Variants in MED4 observed in about 807,000 individuals in gnomAD.
The protein encoded by MED4 is mediator of RNA polymerase II transcription subunit 4.
Under a neutral mutation model 35.0 loss-of-function variants are expected in MED4, and 21 were observed. The ratio of observed to expected loss-of-function variants is 0.60; its 90% CI spans 0.43 to 0.86. The LOEUF (loss-of-function observed/expected upper bound fraction) is 0.86, where lower values mean the gene tolerates loss of function less well. Among genes scored for constraint, MED4 ranks in the 40% least tolerant of loss-of-function variants. The pLI, the probability that MED4 is intolerant of heterozygous loss-of-function variation, is 0.00. For synonymous variants in MED4, 138 were observed against 114.0 expected, an observed-to-expected ratio of 1.21 and a Z score of -1.34; for missense variants, 300 against 319.4, an observed-to-expected ratio of 0.94 and a Z score of 0.46.
At chr13:48,090,204 A>T (rs840427) in intron 2 of MED4, 148 bp downstream of exon 2, 600,205 of 600,268 alleles carry the variant, frequency 1, 300,071 homozygotes, top group Middle Eastern at 1. Context: ...AAATACCAAT[A>T]TTAAAGTTTT....
intron 1 of MED4, among the ~76,000 whole-genome samples, chr13:48,094,721 A>T (rs1288000456): frequency 1.3e-5 from 2 of 152,216 alleles, no homozygotes; most frequent in African/African-American, 4.8e-5. Flanking sequence ...GCGGACGAAG[A>T]GGCTCAGACC....
intron 1 of MED4, 100 bp from the exon 2 acceptor site, chr13:48,090,518 A>C: frequency 7.2e-6 from 6 of 836,420 alleles, no homozygotes; most frequent in Non-Finnish European, 1.1e-5. Context: ...ACTACAGCTC[A>C]CCAAGACTCG....
chr13:48,088,525 C>A (rs1427584475), intron 2 of MED4, among the ~76,000 whole-genome samples: 1 of 152,162 alleles, frequency 6.6e-6, no homozygotes, highest in East Asian at 1.9e-4. Flanking sequence ...GCTAGGTTTC[C>A]ATTTCTATAA....
chr13:48,090,974 G>A (rs997380866), intron 1 of MED4, among the ~76,000 whole-genome samples: 4 of 152,208 alleles, frequency 2.6e-5, no homozygotes, highest in Admixed American at 6.5e-5. Flanking sequence ...TACAGAGGCA[G>A]AGTTGAGTTG....
chr13:48,086,186 T>C, intron 3 of MED4, 96 bp downstream of exon 3: 6 of 1,167,594 alleles, frequency 5.1e-6, no homozygotes, highest in East Asian at 2.3e-5. Context: ...TTGGAAAGTC[T>C]AGTTTTCTGC....
chr13:48,091,960 G>A (rs891897531), intron 1 of MED4, among the ~76,000 whole-genome samples: 3 of 152,186 alleles, frequency 2.0e-5, no homozygotes, highest in African/African-American at 7.2e-5. Flanking sequence ...AGACAGTTCA[G>A]TGCCCCAAAG....
intron 2 of MED4, among the ~76,000 whole-genome samples, chr13:48,088,136 A>G (rs1281979150): frequency 6.6e-6 from 1 of 152,232 alleles, no homozygotes; most frequent in African/African-American, 2.4e-5. Flanking sequence ...GAGTTCAGCA[A>G]AGGCTAGTTA....
At position 48,077,265 on chromosome 13, in the gene MED4, C is replaced by A. The variant is rs1418004217; in HGVS notation, c.687G>T (p.Met229Ile). The A allele has an allele frequency of 6.4e-7, 1 of 1,570,298 alleles. No homozygotes were observed. The highest frequency in any genetic ancestry group is 1.2e-5 in the South Asian group (1 of 83,992). The change falls in exon 7 of 7, where the codon ATG becomes ATT. Residue 229 changes from methionine to isoleucine, a missense_variant. Physicochemically the swap from Met to Ile is conservative, Grantham distance 10 (BLOSUM62 1). Coordinates refer to ENST00000258648, the MANE Select transcript of MED4 (RefSeq NM_014166.4). Reference sequence around the variant, plus strand: ...TACTATGATTTGGTGGTAACATATTCATCGACATGTCATTTGACTGCCATG... The same window carrying A: ...TACTATGATTTGGTGGTAACATATTAATCGACATGTCATTTGACTGCCATG... ...QYPWQSNDMS[M>I]NMLPPNHSSD...
chr13:48,093,605 A>G, intron 1 of MED4: 3 of 470,124 alleles, frequency 6.4e-6, no homozygotes, highest in South Asian at 4.7e-5. Flanking sequence ...GAGCAGCTTC[A>G]TTCTGTGAAG....
intron 6 of MED4, among the ~76,000 whole-genome samples, chr13:48,077,949 TGTA>T (rs1950774375): frequency 6.6e-6 from 1 of 152,198 alleles, no homozygotes; most frequent in Non-Finnish European, 1.5e-5. Context: ...TACTAGGTTA[TGTA>T]GATTATTCTA....
At chr13:48,081,593 T>C in intron 5 of MED4, 52 bp downstream of exon 5, 3 of 1,287,978 alleles carry the variant, frequency 2.3e-6, no homozygotes, top group Non-Finnish European at 3.3e-6. Flanking sequence ...CATAGTCACC[T>C]AAGAATCTTC....
chr13:48,086,455 G>A lies in MED4; in HGVS notation c.193-3C>T. On this transcript the variant is annotated splice_polypyrimidine_tract_variant and splice_region_variant and intron_variant, in intron 2 of 6. Coordinates refer to ENST00000258648, the MANE Select transcript of MED4 (RefSeq NM_014166.4). The stretch of plus-strand genomic sequence containing the variant: ...CGGTGAATTAACAACTCCAGGACCT[G>A]TCAGATAACAGTCAATTAAATCAGA... 1 of 1,612,190 alleles carries A rather than the reference G, an allele frequency of 6.2e-7. No individual in the cohort carries two copies. Among genetic ancestry groups the A allele is most frequent in the Non-Finnish European group, 8.5e-7 (1 of 1,179,324 alleles).
intron 2 of MED4, among the ~76,000 whole-genome samples, chr13:48,088,280 A>G (rs1950867023): frequency 6.6e-6 from 1 of 152,258 alleles, no homozygotes; most frequent in Non-Finnish European, 1.5e-5. Flanking sequence ...ACTATTTAAA[A>G]AGATTTGTTG....
chr13:48,093,500 C>A, intron 1 of MED4: 1 of 389,026 alleles, frequency 2.6e-6, no homozygotes, highest in South Asian at 1.9e-5. Flanking sequence ...AAATTACATT[C>A]AGAGACTGAC....
chr13:48,080,264 G>A (rs1950795179), intron 5 of MED4, among the ~76,000 whole-genome samples: 1 of 151,782 alleles, frequency 6.6e-6, no homozygotes, highest in Non-Finnish European at 1.5e-5. Context: ...AGGCGTGGTG[G>A]CACGCACCTA....
At chr13:48,094,672 GC>G (rs1274114032) in intron 1 of MED4, among the ~76,000 whole-genome samples, 1 of 152,138 alleles carries the variant, frequency 6.6e-6, no homozygotes, top group Non-Finnish European at 1.5e-5. Flanking sequence ...CCAATGCTGA[GC>G]CCCCAAGGAG....
rs771220504 is a variant in MED4 at position 48,081,881 on chromosome 13, T to C, written c.422-150A>G. 69 of 480,422 alleles carry C rather than the reference T, an allele frequency of 1.4e-4. 1 individual carries two copies. In the Middle Eastern group the frequency reaches 2.8e-3, roughly 19 times the overall value. The allele number at this position is 480,422 out of a possible 1,614,324, so 29.8% of individuals were successfully genotyped here. Reference sequence around the variant, plus strand: ...CCTGCCTTCCTTAACAATACCTACATGTTTAGTATAAACTTAAATCTCCAA... The same window carrying C: ...CCTGCCTTCCTTAACAATACCTACACGTTTAGTATAAACTTAAATCTCCAA... On this transcript the variant is annotated intron_variant, in intron 4 of 6. Transcript: ENST00000258648.
chr13:48,095,051 C>A lies in MED4; in HGVS notation c.28G>T (p.Glu10Ter). ...AAACCGCCTCCCAGCCGCTCCTTCTCCTTCTCACCACTCGAAGACGCAGCC... is the reference window on the plus strand; with the variant it reads ...AAACCGCCTCCCAGCCGCTCCTTCTACTTCTCACCACTCGAAGACGCAGCC... The part of the protein sequence containing the change: MAASSSGEK[E>*]KERLGGGLGV... The change falls in exon 1 of 7, where the codon GAG becomes TAG. Residue 10 changes from glutamate to a stop codon, truncating the protein, a stop_gained. Coordinates refer to ENST00000258648, the MANE Select transcript of MED4 (RefSeq NM_014166.4). LOFTEE classifies it high-confidence loss of function. 6.2e-7 allele frequency: 1 copy of A among 1,605,484 alleles called. No individual in the cohort carries two copies. Among genetic ancestry groups the A allele is most frequent in the Non-Finnish European group, 8.5e-7 (1 of 1,179,788 alleles).
At chr13:48,092,540 G>C (rs940977923) in intron 1 of MED4, among the ~76,000 whole-genome samples, 6 of 152,206 alleles carry the variant, frequency 3.9e-5, no homozygotes, top group Non-Finnish European at 5.9e-5. Context: ...GCCAGAACAG[G>C]AAGTAAGTTA....
Sources: allele counts gnomAD v4.1 joint callset (sites outside exome capture counted in the v4.1 genomes callset), GRCh38; gene constraint gnomAD v4.1.1; transcripts MANE v1.5; gene names NCBI Gene and HGNC (gene_info 2026-07-23, HGNC 2026-07-21).